Variants in FBXO3 observed in about 807,000 individuals in gnomAD.
FBXO3 encodes the protein F-box only protein 3.
FBXO3 carries 17 observed loss-of-function variants against 64.8 expected under a neutral mutation model. The ratio of observed to expected loss-of-function variants is 0.26; its 90% CI spans 0.18 to 0.39. FBXO3 has a LOEUF of 0.39. Among genes scored for constraint, FBXO3 ranks in the 10% least tolerant of loss-of-function variants. The pLI, the probability that FBXO3 is intolerant of heterozygous loss-of-function variation, is 1.00. For missense variants in FBXO3, 420 were observed against 589.9 expected (o/e 0.71, Z 2.98); for synonymous variants, 182 against 201.6 (o/e 0.90, Z 0.82).
At chr11:33,769,479 A>G (rs905827458) in intron 2 of FBXO3, among the ~76,000 whole-genome samples, 1 of 152,190 alleles carries the variant, frequency 6.6e-6, no homozygotes, top group Non-Finnish European at 1.5e-5. Context: ...CTATTTGGTA[A>G]AATTCCCCAA....
At chr11:33,770,034 C>T (rs906957509) in intron 2 of FBXO3, among the ~76,000 whole-genome samples, 8 of 152,036 alleles carry the variant, frequency 5.3e-5, no homozygotes, top group African/African-American at 1.7e-4. Context: ...CTAGAAGTTA[C>T]CTCTATAGTT....
intron 10 of FBXO3, chr11:33,746,528 A>G (rs1383023317): frequency 6.8e-6 from 4 of 587,356 alleles, no homozygotes. Flanking sequence ...AACACCTACA[A>G]CTCAATTGCA....
At chr11:33,742,872 C>T (rs1854720912) in intron 10 of FBXO3, 1 of 152,126 alleles carries the variant, frequency 6.6e-6, no homozygotes, top group Non-Finnish European at 1.5e-5. Flanking sequence ...GGGAAGTATT[C>T]AGTGGGGTGG....
intron 3 of FBXO3, among the ~76,000 whole-genome samples, chr11:33,764,054 ATAGAG>A (rs2133616599): frequency 6.6e-6 from 1 of 152,334 alleles, no homozygotes; most frequent in African/African-American, 2.4e-5. Context: ...AAATATACTC[ATAGAG>A]ACATCAACAA....
At chr11:33,747,061 G>A in intron 10 of FBXO3, 69 bp downstream of exon 10, 1 of 1,574,946 alleles carries the variant, frequency 6.3e-7, no homozygotes, top group Non-Finnish European at 8.5e-7. Flanking sequence ...CTAACTATTT[G>A]CCTGGCTTAT....
chr11:33,771,085 AC>A (rs1387269279), intron 1 of FBXO3: 7 of 325,402 alleles, frequency 2.2e-5, no homozygotes, highest in African/African-American at 1.2e-4. Context: ...AAAAATATCT[AC>A]AGACCATATA....
At chr11:33,747,345 A>G (rs1371854209) in intron 9 of FBXO3, 25 bp from the exon 10 acceptor site, 3 of 1,562,024 alleles carry the variant, frequency 1.9e-6, no homozygotes, top group Non-Finnish European at 1.8e-6. Context: ...GTAACAATAA[A>G]CCAAAGTATA....
At chr11:33,759,273 G>C (rs2901376) in intron 3 of FBXO3, among the ~76,000 whole-genome samples, 52,598 of 152,060 alleles carry the variant, frequency 0.35, 9,333 homozygotes, top group Middle Eastern at 0.54. Flanking sequence ...GAGACTGAGA[G>C]GTGGGCCAGG....
intron 1 of FBXO3, 21 bp from the exon 2 acceptor site, chr11:33,770,851 C>A: frequency 1.3e-6 from 2 of 1,527,978 alleles, no homozygotes; most frequent in Non-Finnish European, 1.8e-6. Flanking sequence ...CCAGATTCAC[C>A]GATAGTATTT....
intron 3 of FBXO3, among the ~76,000 whole-genome samples, chr11:33,759,799 A>G (rs915450941): frequency 2.0e-5 from 3 of 152,230 alleles, no homozygotes; most frequent in African/African-American, 7.2e-5. Flanking sequence ...ACCACAACTG[A>G]TACATTCAAT....
rs1333985800 is a variant in FBXO3 at position 33,751,561 on chromosome 11, TACA to T, written c.768_770del (p.Val257del). 6.2e-7 allele frequency: 1 copy of T among 1,609,064 alleles called. No individual in the cohort carries two copies. The highest frequency in any genetic ancestry group is 1.7e-5 in the Admixed American group (1 of 59,248). On this transcript the variant is annotated inframe_deletion, in exon 7 of 11. Coordinates refer to ENST00000265651, the MANE Select transcript of FBXO3 (RefSeq NM_012175.4). ...CTCTGATGATGGGGAAGCCACCTGATACAACATTTTTGACATAAGAGGTAAACC... is the reference window on the plus strand; with the variant it reads ...CTCTGATGATGGGGAAGCCACCTGATACATTTTTGACATAAGAGGTAAACC...
At chr11:33,764,956 C>T (rs1055094277) in intron 3 of FBXO3, among the ~76,000 whole-genome samples, 5 of 151,896 alleles carry the variant, frequency 3.3e-5, no homozygotes, top group East Asian at 3.9e-4. Context: ...CCTGAGTGAC[C>T]GTCTCAAAAC....
At chr11:33,765,841 G>A (rs1855355891) in intron 3 of FBXO3, among the ~76,000 whole-genome samples, 1 of 152,116 alleles carries the variant, frequency 6.6e-6, no homozygotes, top group African/African-American at 2.4e-5. Context: ...TTTGCCATGT[G>A]ACACGCCTGC....
chr11:33,766,897 G>A (rs1249101459), intron 3 of FBXO3, among the ~76,000 whole-genome samples: 11 of 150,368 alleles, frequency 7.3e-5, no homozygotes, highest in Admixed American at 7.3e-4. Flanking sequence ...GCACTGTGGA[G>A]TAAAACAGGA....
At chr11:33,772,060 T>G (rs2133627975) in intron 1 of FBXO3, 1 of 152,274 alleles carries the variant, frequency 6.6e-6, no homozygotes, top group Non-Finnish European at 1.5e-5. Context: ...AGTGTGGCAT[T>G]TATTCACTCC....
At chr11:33,769,854 G>GTTT (rs35225091) in intron 2 of FBXO3, among the ~76,000 whole-genome samples, 2,879 of 123,966 alleles carry the variant, frequency 0.023, 82 homozygotes, top group African/African-American at 0.044. Flanking sequence ...CTCAGGGTGG[G>GTTT]TTTTTTTTTT....
chr11:33,763,863 C>T (rs1402858274), intron 3 of FBXO3, among the ~76,000 whole-genome samples: 1 of 152,086 alleles, frequency 6.6e-6, no homozygotes, highest in African/African-American at 2.4e-5. Flanking sequence ...TAGGGAAATG[C>T]AAATTAAAAC....
At chr11:33,766,531 A>T (rs1018151006) in intron 3 of FBXO3, among the ~76,000 whole-genome samples, 6 of 152,228 alleles carry the variant, frequency 3.9e-5, no homozygotes, top group Admixed American at 6.5e-5. Flanking sequence ...TTAAAGAAAA[A>T]GTTTGCCAAC....
rs1854679297 is a variant in FBXO3 at position 33,741,254 on chromosome 11, G to GT, written c.*653dup. On this transcript the variant is annotated 3_prime_UTR_variant, in exon 11 of 11. Transcript: ENST00000265651. The stretch of plus-strand genomic sequence containing the variant: ...TGAATAATATGATAAAGCGCATAGT[G>GT]TTGAAGACTTTAAATTAAATCCAAG... The GT allele has an allele frequency of 6.6e-6, 1 of 152,652 alleles. No homozygotes were observed. The highest frequency in any genetic ancestry group is 2.4e-5 in the African/African-American group (1 of 41,456). 9.5% of individuals were successfully genotyped at this position (152,652 alleles called of 1,614,324 possible).
Sources: gnomAD v4.1 joint callset for allele counts (sites outside exome capture counted in the v4.1 genomes callset) on GRCh38, gnomAD v4.1.1 for gene constraint, MANE v1.5 for transcripts, NCBI Gene and HGNC (gene_info 2026-07-23, HGNC 2026-07-21) for gene names.